ZNF761: variants seen among roughly 807,000 people sequenced by gnomAD.
ZNF761 encodes zinc finger protein 761.
Under a neutral mutation model 59.9 loss-of-function variants are expected in ZNF761, and 43 were observed. The ratio of observed to expected loss-of-function variants is 0.72; its 90% CI spans 0.56 to 0.92. The LOEUF (loss-of-function observed/expected upper bound fraction) is 0.92, where lower values mean the gene tolerates loss of function less well. Ranked by LOEUF, ZNF761 falls within the 40% of genes least tolerant of loss-of-function variation. The probability of loss-of-function intolerance (pLI) is 0.00; values close to 1 mark genes in which losing one functional copy is unlikely to be tolerated. For synonymous variants in ZNF761, 294 were observed against 304.8 expected, an observed-to-expected ratio of 0.96 and a Z score of 0.37; for missense variants, 850 against 906.1, an observed-to-expected ratio of 0.94 and a Z score of 0.79.
intron 1 of ZNF761, among the ~76,000 whole-genome samples, chr19:53,445,697 T>A (rs12973133): frequency 0.49 from 73,395 of 150,008 alleles, 18,065 homozygotes; most frequent in South Asian, 0.67. Flanking sequence ...TTAAAAAAAA[T>A]TTTTTAAAAA....
rs757992758 is a variant in ZNF761 at position 53,456,087 on chromosome 19, G to A, written c.1580G>A (p.Cys527Tyr). ...TGEKAYKCNE[C>Y]GKTFSWKSSL... ...GAGAAAGCTTACAAGTGTAATGAGT[G>A]CGGCAAGACCTTTAGTTGGAAGTCA... Residue 527 changes from cysteine (C) to tyrosine (Y), a missense_variant, in exon 5 of 5, where the codon TGC (cysteine) becomes TAC (tyrosine). Coordinates refer to ENST00000684525, the MANE Select transcript of ZNF761 (RefSeq NM_001289951.2). 1 of 1,600,164 alleles carries A rather than the reference G, an allele frequency of 6.2e-7. No individual in the cohort carries two copies. The highest frequency in any genetic ancestry group is 1.1e-5 in the South Asian group (1 of 90,334).
At chr19:53,438,264 G>A (rs986275306) in intron 1 of ZNF761, among the ~76,000 whole-genome samples, 1 of 152,144 alleles carries the variant, frequency 6.6e-6, no homozygotes, top group African/African-American at 2.4e-5. Context: ...ACTGAATGTG[G>A]CACCGGGACA....
At chr19:53,433,284 T>C (rs2617758) in intron 1 of ZNF761, among the ~76,000 whole-genome samples, 93,911 of 151,978 alleles carry the variant, frequency 0.62, 29,701 homozygotes, top group African/African-American at 0.74. Context: ...TGATAGGTCA[T>C]GTAATCTATA....
intron 4 of ZNF761, among the ~76,000 whole-genome samples, chr19:53,451,822 C>T (rs1230508216): frequency 1.3e-5 from 2 of 150,550 alleles, no homozygotes; most frequent in Admixed American, 6.6e-5. Flanking sequence ...CTCCTGACCT[C>T]GTGATCCTCC....
intron 1 of ZNF761, among the ~76,000 whole-genome samples, chr19:53,445,871 A>C (rs189162519): frequency 0.019 from 2,843 of 152,190 alleles, 93 homozygotes; most frequent in East Asian, 0.13. Flanking sequence ...ACAAAAGCCC[A>C]ACTCCTCACT....
At chr19:53,437,242 T>C (rs1369172301) in intron 1 of ZNF761, among the ~76,000 whole-genome samples, 3 of 151,092 alleles carry the variant, frequency 2.0e-5, no homozygotes, top group Admixed American at 2.0e-4. Context: ...CACTTGAACC[T>C]GGGAAGCAGA....
intron 4 of ZNF761, among the ~76,000 whole-genome samples, chr19:53,450,514 G>GT (rs199886254): frequency 7.2e-5 from 11 of 151,836 alleles, no homozygotes; most frequent in African/African-American, 2.7e-4. Context: ...TTTCTTGTAG[G>GT]TTTTTTTTGT....
At position 53,447,259 on chromosome 19, in the gene ZNF761, G is replaced by A. The variant is rs1323285692; in HGVS notation, c.-10G>A. The A allele has an allele frequency of 1.9e-6, 3 of 1,612,914 alleles. No homozygotes were observed. In the South Asian group the frequency reaches 3.3e-5, roughly 18 times the overall value. ...CCCGGAAGAGGAAGAGGAGAGCAAAGGAGTCAGGGATGGCTTTTTCTCAGG... is the reference window on the plus strand; with the variant it reads ...CCCGGAAGAGGAAGAGGAGAGCAAAAGAGTCAGGGATGGCTTTTTCTCAGG... On this transcript the variant is annotated 5_prime_UTR_variant, in exon 3 of 5. Transcript: ENST00000684525.
chr19:53,450,075 T>A (rs185022524), intron 4 of ZNF761: 9 of 354,648 alleles, frequency 2.5e-5, no homozygotes, highest in Non-Finnish European at 4.6e-5. Flanking sequence ...GAGGCCAAGG[T>A]GGGTGGATCA....
Position 53,456,013 on chromosome 19 carries a change from C to A in ZNF761, c.1506C>A (p.Thr502=). ...ACAAGTGTAATGAGTGTGGCAAGAC[C>A]TTTAGTCGGAAGTCATACCTCACAT... is the stretch of plus-strand genomic sequence containing the variant. ...KPYKCNECGK[T]FSRKSYLTCH... is the part of the protein sequence containing the mutation. The change falls in exon 5 of 5, where the codon ACC becomes ACA. Residue 502 remains threonine (T), a synonymous_variant. Transcript: ENST00000684525. 1 of 1,613,772 alleles carries A rather than the reference C, an allele frequency of 6.2e-7. No homozygotes were observed. Among genetic ancestry groups the A allele is most frequent in the Non-Finnish European group, 8.5e-7 (1 of 1,179,912 alleles).
chr19:53,457,517 G>GT lies in ZNF761; in HGVS notation c.*770dup. ...TGTCATCAATGTGCCAAGGTCTTCA[G>GT]TCTGAGTTCACTCCTTGCAGAATAT... On this transcript the variant is annotated 3_prime_UTR_variant, in exon 5 of 5. Transcript: ENST00000684525. 1 of 374,874 alleles carries GT rather than the reference G, an allele frequency of 2.7e-6. No individual in the cohort carries two copies. The highest frequency in any genetic ancestry group is 2.2e-5 in the South Asian group (1 of 45,696). The allele number at this position is 374,874 out of a possible 1,614,324, so 23.2% of individuals were successfully genotyped here.
intron 4 of ZNF761, chr19:53,450,134 C>T: frequency 4.0e-6 from 1 of 251,630 alleles, no homozygotes. Flanking sequence ...GAAACCCCGT[C>T]TCTACTAAAA....
At position 53,435,289 on chromosome 19, in the gene ZNF761, C is replaced by CTTTTTTTTTTTTTTTTTTT. The variant is rs368157010; in HGVS notation, c.-185+3275_-185+3293dup. Among the ~76,000 whole-genome samples the CTTTTTTTTTTTTTTTTTTT allele has an allele frequency of 1.7e-4, 9 of 53,590 alleles. 1 individual carries two copies. Among genetic ancestry groups the CTTTTTTTTTTTTTTTTTTT allele is most frequent in the African/African-American group, 6.5e-4 (8 of 12,332 alleles). The allele number at this position is 53,590 out of a possible 152,430, so 35.2% of individuals were successfully genotyped here. ...GGTCGTCTGGCTATAAATACAAGTC[C>CTTTTTTTTTTTTTTTTTTT]TTTTTTTTTTTTTTTTTTTTTTTTT... is the stretch of plus-strand genomic sequence containing the variant. On this transcript the variant is annotated intron_variant, in intron 1 of 4. Coordinates refer to ENST00000684525, the MANE Select transcript of ZNF761 (RefSeq NM_001289951.2).
intron 1 of ZNF761, among the ~76,000 whole-genome samples, chr19:53,445,598 C>T (rs982772863): frequency 1.3e-5 from 2 of 152,100 alleles, no homozygotes; most frequent in Non-Finnish European, 2.9e-5. Flanking sequence ...CAAAATAGTG[C>T]ATGTCTTGGC....
At chr19:53,450,775 T>G (rs1190141695) in intron 4 of ZNF761, among the ~76,000 whole-genome samples, 1 of 152,066 alleles carries the variant, frequency 6.6e-6, no homozygotes, top group African/African-American at 2.4e-5. Flanking sequence ...GGCAGGCAAA[T>G]CACCTGAGGT....
chr19:53,454,963 C>A lies in ZNF761; in HGVS notation c.456C>A (p.His152Gln). ...TTCATTCGCATCTGCCTGAAATGCA[C>A]ATATTTCAGACCGAAGAGAAAATTG... The part of the protein sequence containing the change: ...SSFHSHLPEM[H>Q]IFQTEEKIDN... The change falls in exon 5 of 5, where the codon CAC becomes CAA. Residue 152 changes from histidine to glutamine, a missense_variant. His to Gln is a conservative substitution (Grantham distance 24, BLOSUM62 0). Transcript: ENST00000684525. 1 of 1,614,138 alleles carries A rather than the reference C, an allele frequency of 6.2e-7. No individual in the cohort carries two copies. Among genetic ancestry groups the A allele is most frequent in the South Asian group, 1.1e-5 (1 of 91,072 alleles).
intron 1 of ZNF761, among the ~76,000 whole-genome samples, chr19:53,433,309 G>A (rs1176880429): frequency 1.3e-5 from 2 of 151,904 alleles, no homozygotes; most frequent in African/African-American, 4.8e-5. Flanking sequence ...AGCATAACTT[G>A]TGTCCTTCCA....
At chr19:53,450,635 C>T (rs957335879) in intron 4 of ZNF761, among the ~76,000 whole-genome samples, 30 of 152,198 alleles carry the variant, frequency 2.0e-4, no homozygotes, top group Admixed American at 1.6e-3. Context: ...GATGGAGTCT[C>T]ACTCTGTCGC....
chr19:53,451,815 C>T (rs1254878255), intron 4 of ZNF761, among the ~76,000 whole-genome samples: 1 of 150,724 alleles, frequency 6.6e-6, no homozygotes, highest in East Asian at 2.0e-4. Context: ...TCTCGATCTC[C>T]TGACCTCGTG....
Sources: gnomAD v4.1 joint callset for allele counts (sites outside exome capture counted in the v4.1 genomes callset) on GRCh38, gnomAD v4.1.1 for gene constraint, MANE v1.5 for transcripts, NCBI Gene and HGNC (gene_info 2026-07-23, HGNC 2026-07-21) for gene names.